The following TCEA3 variants were observed in gnomAD, a reference collection of about 807,000 sequenced individuals.
TCEA3 encodes the protein transcription elongation factor A protein 3.
A neutral mutation model predicts 44.0 loss-of-function variants in TCEA3; 36 were observed. The observed-to-expected ratio is 0.82, with a 90% CI of 0.63 to 1.08. The LOEUF is 1.08. Ranked by LOEUF, TCEA3 falls within the 50% of genes least tolerant of loss-of-function variation. TCEA3 has a pLI of 0.00. For synonymous variants in TCEA3, 162 were observed against 159.7 expected, an observed-to-expected ratio of 1.01 and a Z score of -0.11; for missense variants, 392 against 441.2, an observed-to-expected ratio of 0.89 and a Z score of 1.00.
chr1:23,420,152 A>G (rs1197457068), intron 1 of TCEA3, among the ~76,000 whole-genome samples: 3 of 152,240 alleles, frequency 2.0e-5, no homozygotes, highest in Non-Finnish European at 4.4e-5. Context: ...TTATTTCGGC[A>G]TAATGATTTT....
chr1:23,406,318 T>C (rs1172623912), intron 5 of TCEA3, among the ~76,000 whole-genome samples: 2 of 152,222 alleles, frequency 1.3e-5, no homozygotes, highest in East Asian at 3.8e-4. Context: ...GCAATCTTAC[T>C]GATACATTAG....
chr1:23,387,203 C>A, intron 9 of TCEA3, 70 bp downstream of exon 9: 1 of 1,567,518 alleles, frequency 6.4e-7, no homozygotes, highest in Non-Finnish European at 8.7e-7. Context: ...CCCTAAGCTT[C>A]TCTCTGATTT....
At chr1:23,401,181 C>T (rs180804165) in intron 5 of TCEA3, among the ~76,000 whole-genome samples, 61 of 152,312 alleles carry the variant, frequency 4.0e-4, no homozygotes, top group African/African-American at 1.4e-3. Context: ...CCTCTTTCAC[C>T]CCAGACCCCT....
chr1:23,413,543 C>T (rs1370589385), intron 4 of TCEA3, among the ~76,000 whole-genome samples: 4 of 152,166 alleles, frequency 2.6e-5, no homozygotes, highest in South Asian at 2.1e-4. Context: ...AAGCGATCCT[C>T]CTGCCTCAGC....
At chr1:23,422,193 T>G (rs1558080413) in intron 1 of TCEA3, among the ~76,000 whole-genome samples, 1 of 152,228 alleles carries the variant, frequency 6.6e-6, no homozygotes, top group Non-Finnish European at 1.5e-5. Context: ...GTAGCTGTGC[T>G]GCGTGCATAC....
Position 23,397,787 on chromosome 1 carries a change from C to T in TCEA3, c.607+5G>A. ...CTCCCTCATCCCTAGCCCAGGCTCT[C>T]TCACCGTCCGCCTTCAGGGCTGCTG... On this transcript the variant is annotated splice_donor_5th_base_variant and intron_variant, in intron 6 of 10. Transcript: ENST00000450454. 6.2e-7 allele frequency: 1 copy of T among 1,613,978 alleles called. No homozygotes were observed.
intron 8 of TCEA3, among the ~76,000 whole-genome samples, chr1:23,392,693 AC>A: frequency 7.2e-6 from 1 of 138,570 alleles, no homozygotes; most frequent in East Asian, 2.2e-4. Flanking sequence ...TCACACACAC[AC>A]ACTCCACATA....
rs1399101610 is a variant in TCEA3, at chr1:23,399,136, GTATATATGTATATATATATA to G, written c.444-1201_444-1182del. 3.4e-3 allele frequency among the ~76,000 whole-genome samples: 198 copies of G among 58,686 alleles called. 3 individuals carry two copies. Among genetic ancestry groups the G allele is most frequent in the African/African-American group, 7.0e-3 (187 of 26,850 alleles). The allele number at this position is 58,686 out of a possible 152,430, so 38.5% of individuals were successfully genotyped here. A position where few individuals can be genotyped will look rare whatever the true frequency, so the allele number is the denominator to read the frequency against. ...TCATTCAGGTTTTGTTTATATATAT[GTATATATGTATATATATATA>G]TATATATATATATATATATATATCC... On this transcript the variant is annotated intron_variant, in intron 5 of 10. Transcript: ENST00000450454.
chr1:23,408,795 G>A, intron 4 of TCEA3, 69 bp from the exon 5 acceptor site: 4 of 1,446,788 alleles, frequency 2.8e-6, no homozygotes, highest in Non-Finnish European at 3.8e-6. Flanking sequence ...AAGGTGGGGA[G>A]AAAGCATCCT....
chr1:23,408,262 T>A (rs887305703), intron 5 of TCEA3, among the ~76,000 whole-genome samples: 7 of 152,168 alleles, frequency 4.6e-5, no homozygotes, highest in Non-Finnish European at 2.9e-5. Context: ...GTGCCCAGCC[T>A]AGGTATCGGC....
At position 23,417,319 on chromosome 1, in the gene TCEA3, C is replaced by A. The variant is rs373490559; in HGVS notation, c.310G>T (p.Glu104Ter). 1.2e-6 allele frequency: 2 copies of A among 1,614,052 alleles called. No homozygotes were observed. The highest frequency in any genetic ancestry group is 2.7e-5 in the African/African-American group (2 of 75,052). Reference protein sequence around the residue: ...EKAKKKEKGLECSDWKPEAGL... With the variant: ...EKAKKKEKGL The stretch of plus-strand genomic sequence containing the variant: ...GCTTCTGGCTTCCAGTCTGAACACT[C>A]AAGCCCTTTTTCCTTCTTCTTTGCC... The change falls in exon 4 of 11, where the codon GAG becomes TAG. Residue 104 changes from glutamate to a stop codon, truncating the protein, a stop_gained. Coordinates refer to ENST00000450454, the MANE Select transcript of TCEA3 (RefSeq NM_003196.3). LOFTEE classifies it high-confidence loss of function.
intron 8 of TCEA3, 81 bp downstream of exon 8, chr1:23,393,798 C>A: frequency 1.3e-6 from 2 of 1,514,846 alleles, no homozygotes; most frequent in South Asian, 1.3e-5. Flanking sequence ...GCTGATGAGT[C>A]ACGAGCCACT....
chr1:23,387,336 G>A lies in TCEA3; in HGVS notation c.903C>T (p.Gly301=), dbSNP rs767643778. The A allele has an allele frequency of 3.8e-5, 62 of 1,613,568 alleles. 1 individual carries two copies. In the South Asian group the frequency reaches 3.8e-4, roughly 10 times the overall value. Residue 301 remains glycine (G), a synonymous_variant, in exon 9 of 11, where the codon GGC becomes GGT. Transcript: ENST00000450454. ...ACTGGAAGAGGTCAGTGGTGGTGCC[G>A]CCAGTCTTGGCCATCTGGTGCTCAC... ...AIREHQMAKT[G]GTTTDLFQCS... is the part of the protein sequence containing the mutation.
At chr1:23,400,303 TCAAA>T (rs1201880155) in intron 5 of TCEA3, among the ~76,000 whole-genome samples, 1 of 151,226 alleles carries the variant, frequency 6.6e-6, no homozygotes, top group Non-Finnish European at 1.5e-5. Context: ...ACTCCTGGGC[TCAAA>T]CAATCCTCCT....
chr1:23,393,002 A>C (rs1639107527), intron 8 of TCEA3, among the ~76,000 whole-genome samples: 1 of 152,140 alleles, frequency 6.6e-6, no homozygotes, highest in South Asian at 2.1e-4. Context: ...ATAATGTAGA[A>C]TTAGTGGGAG....
At chr1:23,405,880 A>G (rs1639529801) in intron 5 of TCEA3, among the ~76,000 whole-genome samples, 1 of 152,198 alleles carries the variant, frequency 6.6e-6, no homozygotes, top group East Asian at 1.9e-4. Flanking sequence ...ATCTGGGGAT[A>G]GGATGACGCT....
chr1:23,399,172 A>G (rs1487213491), intron 5 of TCEA3, among the ~76,000 whole-genome samples: 2 of 140,554 alleles, frequency 1.4e-5, no homozygotes, highest in East Asian at 4.1e-4. Context: ...ATATATATAT[A>G]TATATATCCA....
At chr1:23,385,495 T>C (rs1638808817) in intron 9 of TCEA3, among the ~76,000 whole-genome samples, 1 of 152,188 alleles carries the variant, frequency 6.6e-6, no homozygotes, top group Non-Finnish European at 1.5e-5. Flanking sequence ...TGCACAAACA[T>C]CTCCGGATTC....
intron 1 of TCEA3, among the ~76,000 whole-genome samples, chr1:23,423,259 G>T (rs1440373603): frequency 2.6e-5 from 4 of 152,222 alleles, no homozygotes; most frequent in African/African-American, 9.7e-5. Flanking sequence ...TTGTTCGCCA[G>T]TTCTTAGCAA....
Sources: allele counts gnomAD v4.1 joint callset (sites outside exome capture counted in the v4.1 genomes callset), GRCh38; gene constraint gnomAD v4.1.1; transcripts MANE v1.5; gene names NCBI Gene and HGNC (gene_info 2026-07-23, HGNC 2026-07-21).